PARD3B: variants seen among roughly 807,000 people sequenced by gnomAD.
The protein encoded by PARD3B is partitioning defective 3 homolog B.
PARD3B carries 103 observed loss-of-function variants against 130.2 expected under a neutral mutation model. The observed-to-expected ratio is 0.79, with a 90% CI of 0.67 to 0.93. The LOEUF (loss-of-function observed/expected upper bound fraction) is 0.93. Ranked by LOEUF, PARD3B falls within the 40% of genes least tolerant of loss-of-function variation. The pLI is 0.00. For synonymous variants in PARD3B, 583 were observed against 553.2 expected (o/e 1.05, Z -0.76); for missense variants, 1,609 against 1,499.2 (o/e 1.07, Z -1.21).
At chr2:205,588,794 A>T (rs1386629837) in intron 22 of PARD3B, among the ~76,000 whole-genome samples, 1 of 152,240 alleles carries the variant, frequency 6.6e-6, no homozygotes, top group East Asian at 1.9e-4. Flanking sequence ...AGTCCATGTC[A>T]TGGCGGAGCT....
At chr2:204,570,368 T>A (rs1320888727) in intron 1 of PARD3B, among the ~76,000 whole-genome samples, 1 of 152,174 alleles carries the variant, frequency 6.6e-6, no homozygotes, top group Non-Finnish European at 1.5e-5. Context: ...AGGGTTGATG[T>A]TGGGAAGACA....
intron 4 of PARD3B, among the ~76,000 whole-genome samples, chr2:205,081,975 T>G (rs1450283258): frequency 6.6e-6 from 1 of 152,276 alleles, no homozygotes; most frequent in East Asian, 1.9e-4. Flanking sequence ...TCTCAACTGT[T>G]TGAGATGTAG....
intron 18 of PARD3B, among the ~76,000 whole-genome samples, chr2:205,312,470 C>T (rs1012649765): frequency 1.3e-5 from 2 of 152,200 alleles, no homozygotes; most frequent in African/African-American, 4.8e-5. Flanking sequence ...CGGCTGCATA[C>T]ACTGAGACTG....
At chr2:205,251,525 T>TA (rs1479345096) in intron 16 of PARD3B, among the ~76,000 whole-genome samples, 1 of 152,208 alleles carries the variant, frequency 6.6e-6, no homozygotes, top group Admixed American at 6.5e-5. Context: ...ACAGAGCTTT[T>TA]AAAACCATAG....
At chr2:205,212,755 C>G (rs867199420) in intron 15 of PARD3B, among the ~76,000 whole-genome samples, 5 of 152,178 alleles carry the variant, frequency 3.3e-5, no homozygotes, top group Middle Eastern at 6.8e-3. Context: ...TAAAGATAAC[C>G]TCTGATGTTA....
chr2:204,778,307 G>C (rs2041713098), intron 2 of PARD3B, among the ~76,000 whole-genome samples: 1 of 152,168 alleles, frequency 6.6e-6, no homozygotes, highest in East Asian at 1.9e-4. Flanking sequence ...ATATTTTGAA[G>C]CAGTGAAATA....
intron 2 of PARD3B, among the ~76,000 whole-genome samples, chr2:204,961,250 A>G (rs1022063381): frequency 6.6e-6 from 1 of 152,120 alleles, no homozygotes; most frequent in Non-Finnish European, 1.5e-5. Context: ...GGAAAGAGGC[A>G]GTGGGTAGAA....
At chr2:204,848,231 G>C (rs571808859) in intron 2 of PARD3B, among the ~76,000 whole-genome samples, 14 of 152,130 alleles carry the variant, frequency 9.2e-5, no homozygotes, top group Non-Finnish European at 1.5e-4. Flanking sequence ...ACTATCTGCA[G>C]TTTTAAGCAT....
At chr2:205,339,980 G>A (rs2043460575) in intron 18 of PARD3B, among the ~76,000 whole-genome samples, 2 of 152,004 alleles carry the variant, frequency 1.3e-5, no homozygotes, top group African/African-American at 4.8e-5. Context: ...AATCTAAGAT[G>A]AACTTTGAAA....
chr2:205,475,413 G>C (rs889193383), intron 20 of PARD3B, among the ~76,000 whole-genome samples: 3 of 152,152 alleles, frequency 2.0e-5, no homozygotes, highest in East Asian at 1.9e-4. Context: ...AGGCTTGTTT[G>C]ATAGACAGCT....
intron 21 of PARD3B, among the ~76,000 whole-genome samples, chr2:205,527,328 A>AAAT (rs2106418281): frequency 6.6e-6 from 1 of 152,302 alleles, no homozygotes; most frequent in East Asian, 1.9e-4. Flanking sequence ...AAGGGGAAAA[A>AAAT]AATAGAAAAA....
At chr2:205,345,986 C>T (rs2043741547) in intron 18 of PARD3B, among the ~76,000 whole-genome samples, 1 of 91,874 alleles carries the variant, frequency 1.1e-5, no homozygotes. Context: ...GCCTGGCCAA[C>T]ATAGTGAAAC....
rs1472390008 is a variant in PARD3B at position 205,341,388 on chromosome 2, C to T, written c.2630+39687C>T. On this transcript the variant is annotated intron_variant, in intron 18 of 22. Coordinates refer to ENST00000406610, the MANE Select transcript of PARD3B (RefSeq NM_001302769.2). This position sits in a 1 kb window ranked among gnomAD's most constrained non-coding sequence, Gnocchi z 4.3. Reference sequence around the variant, plus strand: ...AATTAAAGAAAATGTGGTATATATACACAATGGAATACTATTCAGCCATAT... The same window carrying T: ...AATTAAAGAAAATGTGGTATATATATACAATGGAATACTATTCAGCCATAT... Among the ~76,000 whole-genome samples the T allele has an allele frequency of 2.0e-5, 3 of 152,078 alleles. No individual in the cohort carries two copies. Among genetic ancestry groups the T allele is most frequent in the Non-Finnish European group, 4.4e-5 (3 of 67,988 alleles).
intron 15 of PARD3B, among the ~76,000 whole-genome samples, chr2:205,239,031 C>G (rs545022277): frequency 6.7e-6 from 1 of 149,850 alleles, no homozygotes; most frequent in Non-Finnish European, 1.5e-5. Flanking sequence ...TTGTGAACAC[C>G]TACTTCTGTT....
chr2:205,570,543 A>C (rs1222015994), intron 22 of PARD3B, among the ~76,000 whole-genome samples: 1 of 152,244 alleles, frequency 6.6e-6, no homozygotes, highest in Non-Finnish European at 1.5e-5. Context: ...TTTCAGCTCC[A>C]CACAGCACAG....
intron 5 of PARD3B, among the ~76,000 whole-genome samples, chr2:205,108,940 G>A (rs1330712324): frequency 1.3e-5 from 2 of 151,918 alleles, no homozygotes; most frequent in Admixed American, 6.6e-5. Flanking sequence ...TCCAGAAGAA[G>A]GTTAGTACAC....
chr2:205,057,055 TATTTGC>T (rs748225626), intron 4 of PARD3B, among the ~76,000 whole-genome samples: 202 of 151,842 alleles, frequency 1.3e-3, no homozygotes, highest in Non-Finnish European at 2.2e-3. Context: ...GTCAAAATTT[TATTTGC>T]ATAGTCTCAT....
chr2:204,855,508 C>T (rs948546481), intron 2 of PARD3B, among the ~76,000 whole-genome samples: 12 of 150,910 alleles, frequency 8.0e-5, no homozygotes, highest in Admixed American at 7.9e-4. Flanking sequence ...TGCCACTGCA[C>T]TCCAGCCTGG....
chr2:204,810,942 TTTG>T (rs763180734), intron 2 of PARD3B, among the ~76,000 whole-genome samples: 35 of 152,214 alleles, frequency 2.3e-4, no homozygotes, highest in Non-Finnish European at 3.8e-4. Flanking sequence ...CCTGGGCTTT[TTTG>T]TTGTTGTTGT....
Sources: allele counts gnomAD v4.1 joint callset (sites outside exome capture counted in the v4.1 genomes callset), GRCh38; gene constraint gnomAD v4.1.1; non-coding constraint Gnocchi (gnomAD v3.1); transcripts MANE v1.5; gene names NCBI Gene and HGNC (gene_info 2026-07-23, HGNC 2026-07-21).